SLC27A6: variants seen among roughly 807,000 people sequenced by gnomAD.
The protein encoded by SLC27A6 is long-chain fatty acid transport protein 6.
A neutral mutation model predicts 63.9 loss-of-function variants in SLC27A6; 74 were observed. The observed-to-expected ratio is 1.16, with a 90% CI of 0.96 to 1.40. The LOEUF (loss-of-function observed/expected upper bound fraction) is 1.40. Ranked by LOEUF, SLC27A6 falls within the 40% of genes most tolerant of loss-of-function variation. SLC27A6 has a pLI of 0.00. For synonymous variants in SLC27A6, 287 were observed against 260.8 expected (o/e 1.10, Z -0.97); for missense variants, 794 against 732.9 (o/e 1.08, Z -0.96).
chr5:129,028,700 G>A (rs1752324365), intron 8 of SLC27A6, among the ~76,000 whole-genome samples: 1 of 148,986 alleles, frequency 6.7e-6, no homozygotes, highest in Non-Finnish European at 1.5e-5. Context: ...TCTGATCAAT[G>A]TCTCACTGCT....
chr5:128,991,872 GT>G (rs1366325389), intron 4 of SLC27A6, among the ~76,000 whole-genome samples: 2 of 151,610 alleles, frequency 1.3e-5, no homozygotes, highest in South Asian at 2.1e-4. Flanking sequence ...TGGTTCATTT[GT>G]TTTTTTGCCC....
intron 9 of SLC27A6, among the ~76,000 whole-genome samples, chr5:129,031,160 T>C (rs966302188): frequency 3.3e-5 from 5 of 152,062 alleles, no homozygotes; most frequent in Non-Finnish European, 7.4e-5. Context: ...TATTTTAGGA[T>C]CCTTAAGCAC....
At chr5:129,026,773 A>G (rs922569490) in intron 6 of SLC27A6, among the ~76,000 whole-genome samples, 7 of 152,154 alleles carry the variant, frequency 4.6e-5, no homozygotes, top group African/African-American at 1.7e-4. Context: ...CACTATCACT[A>G]CATTTGTTAT....
chr5:128,996,748 TG>T (rs1167900647), intron 4 of SLC27A6, among the ~76,000 whole-genome samples: 4 of 150,504 alleles, frequency 2.7e-5, no homozygotes, highest in African/African-American at 9.8e-5. Context: ...GAGTTTTCTT[TG>T]TCATATCTAG....
intron 5 of SLC27A6, among the ~76,000 whole-genome samples, chr5:129,021,872 C>T (rs1296656554): frequency 6.6e-6 from 1 of 152,134 alleles, no homozygotes; most frequent in African/African-American, 2.4e-5. Context: ...ACACAGTAAA[C>T]AGTAATTTGC....
intron 1 of SLC27A6, among the ~76,000 whole-genome samples, chr5:128,982,025 G>A (rs549746555): frequency 6.6e-5 from 10 of 151,934 alleles, no homozygotes; most frequent in Non-Finnish European, 1.5e-4. Context: ...TGTTGGCCAG[G>A]CTCTTCTTTA....
chr5:129,012,614 C>T (rs1751761512), intron 4 of SLC27A6, among the ~76,000 whole-genome samples: 1 of 152,094 alleles, frequency 6.6e-6, no homozygotes, highest in African/African-American at 2.4e-5. Flanking sequence ...ATATATTTGA[C>T]TATGTTGTTA....
chr5:129,031,333 TCAAA>T (rs1427485443), intron 9 of SLC27A6, among the ~76,000 whole-genome samples: 2 of 151,902 alleles, frequency 1.3e-5, no homozygotes, highest in African/African-American at 2.4e-5. Context: ...ACAAAATGAG[TCAAA>T]CAAGTATTGT....
At chr5:128,992,642 A>G (rs1210805091) in intron 4 of SLC27A6, among the ~76,000 whole-genome samples, 1 of 152,192 alleles carries the variant, frequency 6.6e-6, no homozygotes, top group African/African-American at 2.4e-5. Flanking sequence ...CAGGTAAGGG[A>G]GGTAGTCTTA....
chr5:128,973,252 G>T (rs1323884549), intron 1 of SLC27A6, among the ~76,000 whole-genome samples: 2 of 152,214 alleles, frequency 1.3e-5, no homozygotes, highest in Non-Finnish European at 2.9e-5. Context: ...GAGGCAGTCT[G>T]TCGGTTCTCA....
chr5:129,017,277 T>A (rs1410619915), intron 5 of SLC27A6, among the ~76,000 whole-genome samples: 1 of 152,088 alleles, frequency 6.6e-6, no homozygotes, highest in Non-Finnish European at 1.5e-5. Flanking sequence ...TAGAAATAAT[T>A]TTTTTAAAAG....
At chr5:128,982,915 A>G (rs890546935) in intron 1 of SLC27A6, among the ~76,000 whole-genome samples, 1 of 152,196 alleles carries the variant, frequency 6.6e-6, no homozygotes, top group Non-Finnish European at 1.5e-5. Flanking sequence ...CTTCATTATA[A>G]TTTCTGTGTT....
chr5:128,981,700 C>T (rs1156768812), intron 1 of SLC27A6, among the ~76,000 whole-genome samples: 1 of 152,078 alleles, frequency 6.6e-6, no homozygotes, highest in Non-Finnish European at 1.5e-5. Context: ...AGCATAAATC[C>T]TCATGAGATA....
At position 129,023,684 on chromosome 5, in the gene SLC27A6, A is replaced by G. The variant is rs778645422; in HGVS notation, c.1229A>G (p.Gln410Arg). The part of the protein sequence containing the change: ...FQKDEPMRNE[Q>R]GWCIHVKKGE... Reference sequence around the variant, plus strand: ...AAAGATGAACCCATGAGAAATGAGCAGGGTTGGTGTATTCATGTGAAAAAA... The same window carrying G: ...AAAGATGAACCCATGAGAAATGAGCGGGGTTGGTGTATTCATGTGAAAAAA... Residue 410 changes from glutamine (Q) to arginine (R), a missense_variant, in exon 6 of 10, where the codon CAG becomes CGG. Physicochemically the swap from Gln to Arg is conservative, Grantham distance 43. Coordinates refer to ENST00000262462, the MANE Select transcript of SLC27A6 (RefSeq NM_001017372.3). 70 of 1,610,160 alleles carry G rather than the reference A, an allele frequency of 4.3e-5. No individual in the cohort carries two copies. The highest frequency in any genetic ancestry group is 5.9e-5 in the Non-Finnish European group (69 of 1,178,158).
chr5:128,982,026 C>A (rs1318115044), intron 1 of SLC27A6, among the ~76,000 whole-genome samples: 1 of 151,986 alleles, frequency 6.6e-6, no homozygotes, highest in Non-Finnish European at 1.5e-5. Flanking sequence ...GTTGGCCAGG[C>A]TCTTCTTTAA....
intron 4 of SLC27A6, among the ~76,000 whole-genome samples, chr5:129,001,508 G>A (rs1012977865): frequency 1.3e-5 from 2 of 152,136 alleles, no homozygotes; most frequent in Non-Finnish European, 2.9e-5. Flanking sequence ...TTGTGAGCAG[G>A]TTTTAGGAAA....
chr5:128,992,341 T>C (rs1166281603), intron 4 of SLC27A6, among the ~76,000 whole-genome samples: 1 of 152,164 alleles, frequency 6.6e-6, no homozygotes, highest in African/African-American at 2.4e-5. Flanking sequence ...TTCTCTTCTC[T>C]TTGGCTAAAA....
intron 4 of SLC27A6, among the ~76,000 whole-genome samples, chr5:128,995,672 C>T (rs1186752494): frequency 6.6e-6 from 1 of 152,162 alleles, no homozygotes. Context: ...ACAGAAGAAA[C>T]TCAAAAGGAA....
At chr5:128,981,854 C>T (rs1166777049) in intron 1 of SLC27A6, among the ~76,000 whole-genome samples, 8 of 150,662 alleles carry the variant, frequency 5.3e-5, no homozygotes, top group African/African-American at 2.0e-4. Context: ...CACTCTGTCC[C>T]CTAAGCTGGA....
Sources: allele counts gnomAD v4.1 joint callset (sites outside exome capture counted in the v4.1 genomes callset), GRCh38; gene constraint gnomAD v4.1.1; transcripts MANE v1.5; gene names NCBI Gene and HGNC (gene_info 2026-07-23, HGNC 2026-07-21).